Variants in DYNAP observed in about 807,000 individuals in gnomAD.
DYNAP encodes the protein dynactin-associated protein.
A neutral mutation model predicts 8.5 loss-of-function variants in DYNAP; 7 were observed. The observed-to-expected ratio is 0.82, with a 90% CI of 0.47 to 1.54. DYNAP has a LOEUF of 1.54. Ranked by LOEUF, DYNAP falls within the 40% of genes most tolerant of loss-of-function variation. The pLI, the probability that DYNAP is intolerant of heterozygous loss-of-function variation, is 0.01. For missense variants in DYNAP, 256 were observed against 224.3 expected (o/e 1.14, Z -0.90); for synonymous variants, 77 against 77.9 (o/e 0.99, Z 0.06).
At chr18:54,588,470 G>A (rs549217180), upstream of DYNAP, among the ~76,000 whole-genome samples, 28 of 152,112 alleles carry the variant, frequency 1.8e-4, no homozygotes, top group Admixed American at 3.9e-4. Context: ...CTCCCAAAGT[G>A]CTGGGATTAC....
At chr18:54,588,626 CT>C (rs1910963791), upstream of DYNAP, among the ~76,000 whole-genome samples, 1 of 152,014 alleles carries the variant, frequency 6.6e-6, no homozygotes, top group Non-Finnish European at 1.5e-5. Context: ...ACATGTTTTC[CT>C]CCTGAAGTTT....
intron 2 of DYNAP, among the ~76,000 whole-genome samples, chr18:54,596,862 C>T (rs1911314162): frequency 6.6e-6 from 1 of 152,108 alleles, no homozygotes; most frequent in Non-Finnish European, 1.5e-5. Flanking sequence ...CTAACTTGAT[C>T]TTAGTGGCCC....
upstream of DYNAP, among the ~76,000 whole-genome samples, chr18:54,583,962 G>A (rs1910795885): frequency 6.6e-6 from 1 of 151,942 alleles, no homozygotes; most frequent in Non-Finnish European, 1.5e-5. Flanking sequence ...AACATCTGTT[G>A]TGCAACTCAA....
upstream of DYNAP, among the ~76,000 whole-genome samples, chr18:54,584,222 C>T (rs1910804209): frequency 6.7e-6 from 1 of 149,196 alleles, no homozygotes; most frequent in Non-Finnish European, 1.5e-5. Flanking sequence ...TTTAATTATA[C>T]ATTTAGAAAT....
chr18:54,578,004 G>T, the DYNAP span, among the ~76,000 whole-genome samples: 1 of 150,848 alleles, frequency 6.6e-6, no homozygotes, highest in Admixed American at 6.6e-5. Context: ...ATTTCATCTT[G>T]CTAAATACTG....
intron 2 of DYNAP, among the ~76,000 whole-genome samples, chr18:54,596,635 G>A (rs964737629): frequency 6.6e-6 from 1 of 152,084 alleles, no homozygotes; most frequent in African/African-American, 2.4e-5. Flanking sequence ...GAACTCATAC[G>A]GTTTTTGCCA....
the DYNAP span, among the ~76,000 whole-genome samples, chr18:54,581,425 G>T: frequency 6.6e-6 from 1 of 152,094 alleles, no homozygotes; most frequent in East Asian, 1.9e-4. Context: ...ATATTGCTTG[G>T]GTCTTCCCCA....
chr18:54,593,762 G>A (rs1450669769), intron 1 of DYNAP, among the ~76,000 whole-genome samples: 1 of 151,986 alleles, frequency 6.6e-6, no homozygotes, highest in African/African-American at 2.4e-5. Flanking sequence ...CCATCGCTAT[G>A]AAAAATAACA....
the DYNAP span, among the ~76,000 whole-genome samples, chr18:54,580,454 A>G: frequency 0.037 from 5,704 of 152,286 alleles, 357 homozygotes; most frequent in African/African-American, 0.13. Context: ...TGAGCCTTCA[A>G]TTTTTACAGC....
chr18:54,585,437 C>T (rs1460397855), upstream of DYNAP, among the ~76,000 whole-genome samples: 3 of 152,080 alleles, frequency 2.0e-5, no homozygotes, highest in Non-Finnish European at 4.4e-5. Context: ...TACCTCCAGA[C>T]CACTCTTCCT....
At chr18:54,577,908 C>G in the DYNAP span, among the ~76,000 whole-genome samples, 2 of 145,680 alleles carry the variant, frequency 1.4e-5, no homozygotes, top group East Asian at 4.0e-4. Flanking sequence ...TTGCAGTGAT[C>G]AGGCGAGATC....
At chr18:54,576,931 G>T in the DYNAP span, among the ~76,000 whole-genome samples, 1 of 152,158 alleles carries the variant, frequency 6.6e-6, no homozygotes, top group Non-Finnish European at 1.5e-5. Flanking sequence ...TAGCCCATCA[G>T]ATCAATTTAT....
At chr18:54,582,542 G>A in the DYNAP span, among the ~76,000 whole-genome samples, 8 of 152,086 alleles carry the variant, frequency 5.3e-5, no homozygotes, top group African/African-American at 1.9e-4. Flanking sequence ...TTCAGACCCT[G>A]GCACATCCAA....
Position 54,599,046 on chromosome 18 carries a change from CCT to C in DYNAP, c.*902_*903del, listed in dbSNP as rs919929474. The C allele has an allele frequency of 6.6e-6, 1 of 152,172 alleles. No homozygotes were observed. Among genetic ancestry groups the C allele is most frequent in the Non-Finnish European group, 1.5e-5 (1 of 67,998 alleles). The allele number at this position is 152,172 out of a possible 1,614,324, so 9.4% of individuals were successfully genotyped here. ...CCTGGAAGCCCCAACTTTGAGTTGT[CCT>C]GCCTTTCTGAACCAAGCCAATGTAT... On this transcript the variant is annotated 3_prime_UTR_variant, in exon 3 of 3. Transcript: ENST00000648945.
the DYNAP span, among the ~76,000 whole-genome samples, chr18:54,575,637 C>A: frequency 6.6e-6 from 1 of 152,024 alleles, no homozygotes; most frequent in African/African-American, 2.4e-5. Flanking sequence ...GGGGGTCTCA[C>A]GATGTTGCCC....
At chr18:54,584,506 T>A (rs1356126635), upstream of DYNAP, among the ~76,000 whole-genome samples, 4 of 152,032 alleles carry the variant, frequency 2.6e-5, no homozygotes, top group African/African-American at 9.7e-5. Flanking sequence ...TGTATAAATA[T>A]AATCTGGGCA....
chr18:54,578,774 A>AT, the DYNAP span, among the ~76,000 whole-genome samples: 2 of 151,966 alleles, frequency 1.3e-5, no homozygotes, highest in Admixed American at 6.6e-5. Flanking sequence ...GGAAAAGGCA[A>AT]TTTTTTTATT....
chr18:54,589,154 C>G (rs984984002), upstream of DYNAP, among the ~76,000 whole-genome samples: 2 of 152,064 alleles, frequency 1.3e-5, no homozygotes, highest in Admixed American at 1.3e-4. Context: ...TTGACCTAGG[C>G]TTTGAGACAA....
At chr18:54,579,406 C>G in the DYNAP span, among the ~76,000 whole-genome samples, 33 of 152,106 alleles carry the variant, frequency 2.2e-4, no homozygotes, top group Non-Finnish European at 4.4e-4. Context: ...TCTTTGAAAA[C>G]CAGAAATTAA....
Sources: gnomAD v4.1 joint callset for allele counts (sites outside exome capture counted in the v4.1 genomes callset) on GRCh38, gnomAD v4.1.1 for gene constraint, MANE v1.5 for transcripts, NCBI Gene and HGNC (gene_info 2026-07-23, HGNC 2026-07-21) for gene names.